CUL5: variants seen among roughly 807,000 people sequenced by gnomAD.
CUL5 encodes cullin 5.
CUL5 carries 26 observed loss-of-function variants against 108.8 expected under a neutral mutation model. The ratio of observed to expected loss-of-function variants is 0.24; its 90% CI spans 0.18 to 0.33. The LOEUF is 0.33. CUL5 is among the 10% of genes least tolerant of loss of function. CUL5 has a pLI of 1.00. For synonymous variants in CUL5, 334 were observed against 298.0 expected (o/e 1.12, Z -1.25); for missense variants, 524 against 909.2 (o/e 0.58, Z 5.45).
intron 2 of CUL5, among the ~76,000 whole-genome samples, chr11:108,038,165 TATTC>T (rs1862793171): frequency 6.6e-6 from 1 of 152,204 alleles, no homozygotes; most frequent in African/African-American, 2.4e-5. Flanking sequence ...TTTTGTAAAT[TATTC>T]AATTAAACTA....
rs542148341 is a variant in CUL5, at chr11:108,016,106, G to A, written c.24+6734G>A. Among the ~76,000 whole-genome samples, 166 of 152,074 alleles carry A rather than the reference G, an allele frequency of 1.1e-3. 5 individuals are homozygous for A. The South Asian group carries it at 0.034, about 31-fold the overall frequency. On this transcript the variant is annotated intron_variant, in intron 1 of 18. Coordinates refer to ENST00000393094, the MANE Select transcript of CUL5 (RefSeq NM_003478.6). Reference sequence around the variant, plus strand: ...GTCTGGCTAATTTTTTATAGAGATGGGATCTCACCATATTGCCCAGACTGG... The same window carrying A: ...GTCTGGCTAATTTTTTATAGAGATGAGATCTCACCATATTGCCCAGACTGG...
chr11:108,015,498 G>T (rs1275537151), intron 1 of CUL5, among the ~76,000 whole-genome samples: 2 of 152,214 alleles, frequency 1.3e-5, no homozygotes, highest in Non-Finnish European at 2.9e-5. Context: ...TGGGTTGATA[G>T]AAATTGCCCT....
rs71047671 is a variant in CUL5, at chr11:108,096,564, C to CT, written c.1905+900dup. On this transcript the variant is annotated intron_variant, in intron 16 of 18. Coordinates refer to ENST00000393094, the MANE Select transcript of CUL5 (RefSeq NM_003478.6). ...TGTGAGGAATGTGACCAGCTATGTA[C>CT]TTTTTTTTTTTTTTTTTTTTTTTTT... Among the ~76,000 whole-genome samples the CT allele has an allele frequency of 3.5e-3, 160 of 45,864 alleles. 16 individuals carry two copies. The highest frequency in any genetic ancestry group is 7.1e-3 in the African/African-American group (84 of 11,854). 30.1% of individuals were successfully genotyped at this position (45,864 alleles called of 152,430 possible).
In CUL5 at chr11:108,106,556, G is replaced by A. The variant is rs554732298; in HGVS notation, c.*2172G>A. On this transcript the variant is annotated 3_prime_UTR_variant, in exon 19 of 19. Transcript: ENST00000393094. Reference sequence around the variant, plus strand: ...CAGTTTTCTTTTTTTTTTTTTTTTGGTTATGTATACAAAAGTTTTAACTAC... The same window carrying A: ...CAGTTTTCTTTTTTTTTTTTTTTTGATTATGTATACAAAAGTTTTAACTAC... 191 of 101,410 alleles carry A rather than the reference G, an allele frequency of 1.9e-3. 5 individuals carry two copies. The South Asian group carries it at 0.03, about 16-fold the overall frequency. 6.3% of individuals were successfully genotyped at this position (101,410 alleles called of 1,614,324 possible).
At position 108,050,015 on chromosome 11, in the gene CUL5, T is replaced by A. The variant is rs1305415148; in HGVS notation, c.360T>A (p.Gly120=). 1 of 1,613,636 alleles carries A rather than the reference T, an allele frequency of 6.2e-7. No individual in the cohort carries two copies. The highest frequency in any genetic ancestry group is 8.5e-7 in the Non-Finnish European group (1 of 1,179,744). The change falls in exon 4 of 19, where the codon GGT becomes GGA. Residue 120 remains glycine, a synonymous_variant. Coordinates refer to ENST00000393094, the MANE Select transcript of CUL5 (RefSeq NM_003478.6). ...GTCAACTAGAGATTACTTTAATGGGTAAACAGGGCAGCAATAAAAAATCAA... is the reference window on the plus strand; with the variant it reads ...GTCAACTAGAGATTACTTTAATGGGAAAACAGGGCAGCAATAAAAAATCAA... ...PFCQLEITLM[G]KQGSNKKSNV...
chr11:108,042,890 G>A (rs929016344), intron 2 of CUL5, among the ~76,000 whole-genome samples: 6 of 128,918 alleles, frequency 4.7e-5, no homozygotes, highest in African/African-American at 1.5e-4. Flanking sequence ...AGCCTCTTGA[G>A]TACCTGGGAC....
At chr11:108,033,728 T>C in intron 1 of CUL5, 74 bp from the exon 2 acceptor site, 1 of 876,608 alleles carries the variant, frequency 1.1e-6, no homozygotes, top group Non-Finnish European at 1.8e-6. Flanking sequence ...TCTAGCTGTC[T>C]CATAAAAATT....
intron 13 of CUL5, among the ~76,000 whole-genome samples, chr11:108,091,331 G>C (rs1010846517): frequency 6.6e-6 from 1 of 151,562 alleles, no homozygotes; most frequent in Admixed American, 6.6e-5. Flanking sequence ...GATTACAGGC[G>C]TGAGCCACCA....
chr11:108,033,991 C>T (rs1177758114), intron 2 of CUL5, 80 bp downstream of exon 2: 6 of 834,652 alleles, frequency 7.2e-6, no homozygotes, highest in Non-Finnish European at 1.2e-5. Flanking sequence ...GAATGTGTAA[C>T]TCTAAGTTTA....
chr11:108,063,002 C>T (rs780185030), intron 7 of CUL5, among the ~76,000 whole-genome samples: 36 of 152,028 alleles, frequency 2.4e-4, no homozygotes, highest in Non-Finnish European at 4.3e-4. Flanking sequence ...TGCACCACCA[C>T]GCCCGGCTAA....
intron 1 of CUL5, among the ~76,000 whole-genome samples, chr11:108,029,672 T>G (rs1323380433): frequency 6.6e-6 from 1 of 152,248 alleles, no homozygotes; most frequent in Non-Finnish European, 1.5e-5. Flanking sequence ...ATTTTTGGAA[T>G]CTATTATAAA....
intron 1 of CUL5, among the ~76,000 whole-genome samples, chr11:108,010,098 C>G (rs541993026): frequency 1.5e-4 from 23 of 152,372 alleles, no homozygotes; most frequent in African/African-American, 5.0e-4. Flanking sequence ...CCCACAGGGG[C>G]AGATTCTCCA....
At chr11:108,009,828 C>G (rs1039157979) in intron 1 of CUL5, among the ~76,000 whole-genome samples, 5 of 152,216 alleles carry the variant, frequency 3.3e-5, no homozygotes, top group Non-Finnish European at 7.3e-5. Context: ...GTTCTGTCTG[C>G]ACGAAATTCC....
intron 1 of CUL5, among the ~76,000 whole-genome samples, chr11:108,014,667 A>T (rs552905799): frequency 6.6e-6 from 1 of 152,226 alleles, no homozygotes; most frequent in Non-Finnish European, 1.5e-5. Context: ...AATTAAGTCT[A>T]TGGGAAATAC....
intron 1 of CUL5, among the ~76,000 whole-genome samples, chr11:108,022,580 A>G (rs1360167477): frequency 6.6e-6 from 1 of 152,090 alleles, no homozygotes; most frequent in South Asian, 2.1e-4. Context: ...CTGGCTGATA[A>G]CACTTACCCC....
rs556954678 is a variant in CUL5 at position 108,024,038 on chromosome 11, T to C, written c.25-9764T>C. Among the ~76,000 whole-genome samples the C allele has an allele frequency of 1.1e-4, 17 of 152,318 alleles. No individual in the cohort carries two copies. In the East Asian group the frequency reaches 1.2e-3, roughly 10 times the overall value. ...TTTTTATAATCATAGATCTTTGCAG[T>C]TTACTCTCTAAGCCTGATGAAATTA... On this transcript the variant is annotated intron_variant, in intron 1 of 18. Transcript: ENST00000393094.
intron 7 of CUL5, among the ~76,000 whole-genome samples, chr11:108,065,640 A>T (rs1433122805): frequency 1.3e-5 from 2 of 152,164 alleles, no homozygotes; most frequent in Non-Finnish European, 2.9e-5. Flanking sequence ...AAGCACACAG[A>T]TTCTCCATGC....
chr11:108,077,702 T>C (rs1198744827), intron 10 of CUL5, among the ~76,000 whole-genome samples: 1 of 151,804 alleles, frequency 6.6e-6, no homozygotes, highest in African/African-American at 2.4e-5. Context: ...CCCAGCACTT[T>C]GGGAGACCAA....
At chr11:108,045,692 T>G (rs912698712) in intron 2 of CUL5, among the ~76,000 whole-genome samples, 1 of 152,056 alleles carries the variant, frequency 6.6e-6, no homozygotes, top group East Asian at 1.9e-4. Context: ...CAAGACTGTT[T>G]CTACAACAAA....
Sources: allele counts gnomAD v4.1 joint callset (sites outside exome capture counted in the v4.1 genomes callset), GRCh38; gene constraint gnomAD v4.1.1; transcripts MANE v1.5; gene names NCBI Gene and HGNC (gene_info 2026-07-23, HGNC 2026-07-21).